The following CDH6 variants were observed in gnomAD, a reference collection of about 807,000 sequenced individuals.
The protein encoded by CDH6 is cadherin-6.
Under a neutral mutation model 78.0 loss-of-function variants are expected in CDH6, and 31 were observed. The ratio of observed to expected loss-of-function variants is 0.40; its 90% CI spans 0.30 to 0.54. The LOEUF is 0.54. Ranked by LOEUF, CDH6 falls within the 20% of genes least tolerant of loss-of-function variation. The probability of loss-of-function intolerance (pLI) is 0.56; values close to 1 mark genes in which losing one functional copy is unlikely to be tolerated. For synonymous variants in CDH6, 376 were observed against 368.8 expected (o/e 1.02, Z -0.23); for missense variants, 724 against 975.9 (o/e 0.74, Z 3.44).
intron 2 of CDH6, among the ~76,000 whole-genome samples, chr5:31,277,767 G>A (rs953285960): frequency 9.2e-5 from 14 of 151,990 alleles, no homozygotes; most frequent in African/African-American, 3.4e-4. Context: ...ACATATTTTT[G>A]CACATAAAAA....
At chr5:31,196,678 G>A (rs1740177544) in intron 1 of CDH6, among the ~76,000 whole-genome samples, 1 of 152,102 alleles carries the variant, frequency 6.6e-6, no homozygotes, top group Non-Finnish European at 1.5e-5. Flanking sequence ...TAATATTTGT[G>A]ACAGGTCAAA....
intron 1 of CDH6, among the ~76,000 whole-genome samples, chr5:31,258,984 T>C (rs1263037434): frequency 6.6e-6 from 1 of 152,228 alleles, no homozygotes; most frequent in Non-Finnish European, 1.5e-5. Context: ...GTGGACAAGC[T>C]ATTTGACCTA....
At chr5:31,258,429 T>C (rs1485507857) in intron 1 of CDH6, among the ~76,000 whole-genome samples, 3 of 151,316 alleles carry the variant, frequency 2.0e-5, no homozygotes, top group African/African-American at 4.9e-5. Flanking sequence ...TAAGTGGGAG[T>C]TGAACAATGG....
chr5:31,221,606 A>C (rs969483068), intron 1 of CDH6, among the ~76,000 whole-genome samples: 4 of 152,216 alleles, frequency 2.6e-5, no homozygotes, highest in African/African-American at 9.6e-5. Flanking sequence ...AGAAATTGGA[A>C]GGAATCAGAA....
At chr5:31,208,031 C>G (rs1284229803) in intron 1 of CDH6, among the ~76,000 whole-genome samples, 1 of 152,170 alleles carries the variant, frequency 6.6e-6, no homozygotes, top group Non-Finnish European at 1.5e-5. Context: ...AGATTGGAGG[C>G]TGTGAAGGCC....
intron 1 of CDH6, among the ~76,000 whole-genome samples, chr5:31,246,554 C>G (rs947639922): frequency 6.6e-6 from 1 of 152,164 alleles, no homozygotes; most frequent in African/African-American, 2.4e-5. Context: ...GGGCCACACT[C>G]AAGCCCAGGA....
intron 1 of CDH6, among the ~76,000 whole-genome samples, chr5:31,207,018 T>C (rs1740544486): frequency 6.6e-6 from 1 of 152,156 alleles, no homozygotes; most frequent in Non-Finnish European, 1.5e-5. Flanking sequence ...GCCATACATA[T>C]ACTGGTCAGT....
At chr5:31,285,291 G>A (rs1378526921) in intron 2 of CDH6, among the ~76,000 whole-genome samples, 2 of 152,026 alleles carry the variant, frequency 1.3e-5, no homozygotes, top group African/African-American at 4.8e-5. Context: ...TGCTCATATC[G>A]GTTGCTAAAT....
chr5:31,278,660 T>A (rs1201897823), intron 2 of CDH6, among the ~76,000 whole-genome samples: 1 of 152,150 alleles, frequency 6.6e-6, no homozygotes, highest in Non-Finnish European at 1.5e-5. Flanking sequence ...TTGCAACCAT[T>A]CACAAAAATA....
At chr5:31,236,149 T>C (rs1741449713) in intron 1 of CDH6, among the ~76,000 whole-genome samples, 2 of 152,132 alleles carry the variant, frequency 1.3e-5, no homozygotes, top group South Asian at 4.2e-4. Flanking sequence ...CAAATAGCAG[T>C]TCTACACTGT....
chr5:31,202,715 A>G lies in CDH6; in HGVS notation c.-129+8829A>G, dbSNP rs539884807. 1.8e-4 allele frequency among the ~76,000 whole-genome samples: 28 copies of G among 151,640 alleles called. No homozygotes were observed. In the South Asian group the frequency reaches 4.4e-3, roughly 24 times the overall value. On this transcript the variant is annotated intron_variant, in intron 1 of 11. Transcript: ENST00000265071. ...TATACACATATATACATACATGCGT[A>G]TATATGTTACATATATACATATATG...
At chr5:31,305,549 A>G (rs1020531154) in intron 7 of CDH6, 122 bp downstream of exon 7, 11 of 1,030,664 alleles carry the variant, frequency 1.1e-5, no homozygotes, top group Non-Finnish European at 1.3e-5. Context: ...TGTTTTCCTG[A>G]AAAAACTATT....
chr5:31,234,714 C>T (rs1741404013), intron 1 of CDH6, among the ~76,000 whole-genome samples: 1 of 152,180 alleles, frequency 6.6e-6, no homozygotes, highest in Admixed American at 6.5e-5. Flanking sequence ...CTTTTCTAGG[C>T]TCCAGACCTT....
At position 31,278,913 on chromosome 5, in the gene CDH6, G is replaced by A. The variant is rs553318328; in HGVS notation, c.228+11212G>A. On this transcript the variant is annotated intron_variant, in intron 2 of 11. Transcript: ENST00000265071. ...TAAAATACAGTTACACAAAGCTTTA[G>A]CATGCTGGATTGTTTTGTTTTCATA... Among the ~76,000 whole-genome samples the A allele has an allele frequency of 7.9e-5, 12 of 152,238 alleles. No individual in the cohort carries two copies. The East Asian group carries it at 1.9e-3, about 24-fold the overall frequency.
intron 1 of CDH6, among the ~76,000 whole-genome samples, chr5:31,227,175 C>T (rs1251169191): frequency 1.3e-5 from 2 of 152,236 alleles, no homozygotes; most frequent in East Asian, 1.9e-4. Context: ...TCCCACTTCA[C>T]CCCCTTTCTG....
At chr5:31,278,825 A>G (rs1742775183) in intron 2 of CDH6, among the ~76,000 whole-genome samples, 1 of 152,190 alleles carries the variant, frequency 6.6e-6, no homozygotes, top group Non-Finnish European at 1.5e-5. Context: ...AATGCTTTCT[A>G]CTACTTATGA....
chr5:31,263,794 T>C (rs762380870), intron 1 of CDH6, among the ~76,000 whole-genome samples: 38 of 152,172 alleles, frequency 2.5e-4, no homozygotes, highest in Admixed American at 1.2e-3. Context: ...ATAGCAGATA[T>C]CATTCATTTT....
intron 2 of CDH6, among the ~76,000 whole-genome samples, chr5:31,273,755 G>A (rs1162817412): frequency 1.3e-5 from 2 of 152,116 alleles, no homozygotes; most frequent in Non-Finnish European, 2.9e-5. Context: ...TTTTTTAAAG[G>A]CTACTTTTAA....
chr5:31,323,632 C>A lies in CDH6; in HGVS notation c.*324C>A, dbSNP rs1738539601. The stretch of plus-strand genomic sequence containing the variant: ...GCTGTCCTGGTGTTTTACTACACTC[C>A]ATGTCAGGTCAGCCAACTGCCCTAA... On this transcript the variant is annotated 3_prime_UTR_variant, in exon 12 of 12. Coordinates refer to ENST00000265071, the MANE Select transcript of CDH6 (RefSeq NM_004932.4). The A allele has an allele frequency of 1.5e-5, 5 of 331,168 alleles. No homozygotes were observed. In the South Asian group the frequency reaches 2.5e-4, roughly 17 times the overall value. The allele number at this position is 331,168 out of a possible 1,614,324, so 20.5% of individuals were successfully genotyped here.
Sources: gnomAD v4.1 joint callset for allele counts (sites outside exome capture counted in the v4.1 genomes callset) on GRCh38, gnomAD v4.1.1 for gene constraint, MANE v1.5 for transcripts, NCBI Gene and HGNC (gene_info 2026-07-23, HGNC 2026-07-21) for gene names.